CNTN5: variants seen among roughly 807,000 people sequenced by gnomAD.
CNTN5 encodes contactin-5.
In CNTN5, 77 loss-of-function variants were observed where a neutral mutation model predicts 129.1. The ratio of observed to expected loss-of-function variants is 0.60; its 90% CI spans 0.50 to 0.72. The LOEUF is 0.72. Among genes scored for constraint, CNTN5 ranks in the 30% least tolerant of loss-of-function variants. The probability of loss-of-function intolerance (pLI) is 0.00; values close to 1 mark genes in which losing one functional copy is unlikely to be tolerated. For missense variants in CNTN5, 1,478 were observed against 1,328.8 expected, an observed-to-expected ratio of 1.11 and a Z score of -1.75; for synonymous variants, 509 against 465.6, an observed-to-expected ratio of 1.09 and a Z score of -1.20.
At chr11:99,134,858 G>T (rs1026906502) in intron 1 of CNTN5, among the ~76,000 whole-genome samples, 27 of 152,096 alleles carry the variant, frequency 1.8e-4, no homozygotes, top group Non-Finnish European at 7.4e-5. Context: ...CAATGTACTA[G>T]GTAACAAATA....
intron 1 of CNTN5, among the ~76,000 whole-genome samples, chr11:99,124,085 T>C (rs767928860): frequency 1.3e-5 from 2 of 152,120 alleles, no homozygotes; most frequent in Non-Finnish European, 2.9e-5. Context: ...GGTAGTTTAA[T>C]AGGAAGAGCA....
intron 2 of CNTN5, among the ~76,000 whole-genome samples, chr11:99,431,986 C>A (rs1407056063): frequency 6.6e-6 from 1 of 152,074 alleles, no homozygotes; most frequent in Non-Finnish European, 1.5e-5. Flanking sequence ...ACGAAAGGAG[C>A]AGGTGGGGGG....
chr11:100,256,698 G>C (rs922691116), intron 17 of CNTN5, among the ~76,000 whole-genome samples: 5 of 152,050 alleles, frequency 3.3e-5, no homozygotes, highest in Non-Finnish European at 5.9e-5. Context: ...AGCATAGGGG[G>C]TCGGAGAATT....
At chr11:99,258,287 A>T (rs959106453) in intron 1 of CNTN5, among the ~76,000 whole-genome samples, 4 of 151,698 alleles carry the variant, frequency 2.6e-5, no homozygotes, top group African/African-American at 9.7e-5. Context: ...ATTTTTCCTG[A>T]TCCTCACCCT....
intron 13 of CNTN5, among the ~76,000 whole-genome samples, chr11:100,157,269 T>G (rs766650792): frequency 6.6e-6 from 1 of 151,882 alleles, no homozygotes; most frequent in Non-Finnish European, 1.5e-5. Flanking sequence ...GGAAAACATA[T>G]AGATTACGTT....
At chr11:99,039,496 A>C (rs1320852660) in intron 1 of CNTN5, among the ~76,000 whole-genome samples, 1 of 152,150 alleles carries the variant, frequency 6.6e-6, no homozygotes. Flanking sequence ...ACTTTGCCTC[A>C]ATAGAAAACA....
chr11:99,247,754 T>G (rs1309943661), intron 1 of CNTN5, among the ~76,000 whole-genome samples: 1 of 152,086 alleles, frequency 6.6e-6, no homozygotes, highest in African/African-American at 2.4e-5. Context: ...GAATGATGGT[T>G]TCCAGCTTCA....
At chr11:99,631,005 G>A (rs1245932117) in intron 3 of CNTN5, among the ~76,000 whole-genome samples, 1 of 152,094 alleles carries the variant, frequency 6.6e-6, no homozygotes, top group Non-Finnish European at 1.5e-5. Flanking sequence ...AAAAGGTAGA[G>A]TTAGGTTATT....
intron 9 of CNTN5, among the ~76,000 whole-genome samples, chr11:100,043,143 T>C (rs1942469589): frequency 6.6e-6 from 1 of 152,216 alleles, no homozygotes; most frequent in Non-Finnish European, 1.5e-5. Flanking sequence ...CAAATATTTT[T>C]TAAATCTTAA....
At chr11:99,700,259 C>T (rs1052825905) in intron 3 of CNTN5, among the ~76,000 whole-genome samples, 3 of 151,324 alleles carry the variant, frequency 2.0e-5, no homozygotes, top group African/African-American at 7.3e-5. Context: ...TTAGTAATCT[C>T]TTAAAGTAGA....
intron 2 of CNTN5, among the ~76,000 whole-genome samples, chr11:99,366,776 T>C (rs571630106): frequency 6.6e-6 from 1 of 152,158 alleles, no homozygotes; most frequent in African/African-American, 2.4e-5. Flanking sequence ...TAAGGAAAGA[T>C]TTTTTGTGTC....
At chr11:99,232,884 T>C in intron 1 of CNTN5, among the ~76,000 whole-genome samples, 1 of 152,210 alleles carries the variant, frequency 6.6e-6, no homozygotes, top group African/African-American at 2.4e-5. Context: ...GCTTCTACTT[T>C]GTGTCAATTT....
intron 1 of CNTN5, among the ~76,000 whole-genome samples, chr11:99,082,119 T>C (rs1041627846): frequency 1.3e-5 from 2 of 151,924 alleles, no homozygotes; most frequent in South Asian, 2.1e-4. Context: ...ACATACAGAA[T>C]CACCCCAGGT....
At chr11:99,587,711 T>A (rs931800409) in intron 3 of CNTN5, among the ~76,000 whole-genome samples, 2 of 152,114 alleles carry the variant, frequency 1.3e-5, no homozygotes, top group Non-Finnish European at 1.5e-5. Context: ...TGCTGAGAAT[T>A]TTTTTAAAAG....
intron 3 of CNTN5, among the ~76,000 whole-genome samples, chr11:99,811,058 C>A (rs1249452340): frequency 6.6e-6 from 1 of 152,018 alleles, no homozygotes; most frequent in African/African-American, 2.4e-5. Context: ...AATCAAACTT[C>A]AAAAGTAGGG....
At chr11:99,231,978 C>T (rs149290244) in intron 1 of CNTN5, among the ~76,000 whole-genome samples, 299 of 151,960 alleles carry the variant, frequency 2.0e-3, no homozygotes, top group Admixed American at 3.5e-3. Flanking sequence ...GTCTTATTTC[C>T]GAGTTCTCTA....
intron 10 of CNTN5, among the ~76,000 whole-genome samples, chr11:100,070,104 G>C (rs1008622263): frequency 2.7e-5 from 4 of 148,556 alleles, no homozygotes; most frequent in African/African-American, 5.0e-5. Context: ...ATTGACTCTA[G>C]TACCTGACTT....
At chr11:100,100,336 A>G (rs1296527025) in intron 13 of CNTN5, among the ~76,000 whole-genome samples, 1 of 152,062 alleles carries the variant, frequency 6.6e-6, no homozygotes, top group East Asian at 1.9e-4. Flanking sequence ...TTCATGATTC[A>G]TTGTTTTATC....
chr11:99,611,680 T>A (rs899932942), intron 3 of CNTN5, among the ~76,000 whole-genome samples: 4 of 152,128 alleles, frequency 2.6e-5, no homozygotes, highest in African/African-American at 9.6e-5. Flanking sequence ...ACCCAAGTAG[T>A]TGAAAAAGGT....
Sources: gnomAD v4.1 joint callset for allele counts (sites outside exome capture counted in the v4.1 genomes callset) on GRCh38, gnomAD v4.1.1 for gene constraint, MANE v1.5 for transcripts, NCBI Gene and HGNC (gene_info 2026-07-23, HGNC 2026-07-21) for gene names.